The following PTPN4 variants were observed in gnomAD, a reference collection of about 807,000 sequenced individuals.
PTPN4 encodes protein tyrosine phosphatase non-receptor type 4.
A neutral mutation model predicts 135.5 loss-of-function variants in PTPN4; 49 were observed. That is an observed-to-expected ratio of 0.36 (90% CI 0.29 to 0.46). The LOEUF is 0.46. Ranked by LOEUF, PTPN4 falls within the 20% of genes least tolerant of loss-of-function variation. The pLI is 1.00. For missense variants in PTPN4, 860 were observed against 1,101.0 expected (o/e 0.78, Z 3.10); for synonymous variants, 333 against 369.9 (o/e 0.90, Z 1.14).
chr2:119,795,097 G>A (rs1691228235), intron 1 of PTPN4, among the ~76,000 whole-genome samples: 1 of 152,138 alleles, frequency 6.6e-6, no homozygotes, highest in African/African-American at 2.4e-5. Flanking sequence ...CCCTGAGGTG[G>A]GCAGGTCCTC....
At position 119,978,705 on chromosome 2, in the gene PTPN4, G is replaced by T. The variant is rs1679651929; in HGVS notation, c.*1635G>T. On this transcript the variant is annotated 3_prime_UTR_variant, in exon 27 of 27. Coordinates refer to ENST00000263708, the MANE Select transcript of PTPN4 (RefSeq NM_002830.4). ...TTTTATGTGGATTGGGGTTTTAAAAGATTCATTTCCTAGCAGTTTCTGAAT... is the reference window on the plus strand; with the variant it reads ...TTTTATGTGGATTGGGGTTTTAAAATATTCATTTCCTAGCAGTTTCTGAAT... The T allele has an allele frequency of 6.6e-6, 1 of 152,106 alleles. No homozygotes were observed. Among genetic ancestry groups the T allele is most frequent in the Non-Finnish European group, 1.5e-5 (1 of 67,968 alleles). 9.4% of individuals were successfully genotyped at this position (152,106 alleles called of 1,614,324 possible).
rs572221944 is a variant in PTPN4, at chr2:119,785,751, C to T, written c.-17-24086C>T. 2.9e-4 allele frequency among the ~76,000 whole-genome samples: 44 copies of T among 151,886 alleles called. No individual in the cohort carries two copies. In the South Asian group the frequency reaches 8.4e-3, roughly 29 times the overall value. ...TGTTTGCTTTGTGTGTGTGTGTCTA[C>T]GTGTGTGAGAGAATGAGTGCACACG... On this transcript the variant is annotated intron_variant, in intron 1 of 26. Transcript: ENST00000263708.
chr2:119,833,038 G>T lies in PTPN4; in HGVS notation c.138+23047G>T, dbSNP rs565978817. 1.4e-4 allele frequency among the ~76,000 whole-genome samples: 21 copies of T among 152,172 alleles called. No homozygotes were observed. The South Asian group carries it at 2.1e-3, about 15-fold the overall frequency. On this transcript the variant is annotated intron_variant, in intron 2 of 26. Transcript: ENST00000263708. ...TTTAACCACTTGTTTTTCTTTAATG[G>T]TTATAGGTCTAAGTGCTCTATCATT...
At chr2:119,905,372 A>G (rs1339617409) in intron 10 of PTPN4, among the ~76,000 whole-genome samples, 3 of 152,256 alleles carry the variant, frequency 2.0e-5, no homozygotes, top group Admixed American at 6.5e-5. Flanking sequence ...GTAAAAAACC[A>G]TAAAAAGAGA....
intron 12 of PTPN4, among the ~76,000 whole-genome samples, chr2:119,921,124 C>CA (rs1349550665): frequency 6.6e-6 from 1 of 151,590 alleles, no homozygotes; most frequent in Non-Finnish European, 1.5e-5. Flanking sequence ...CTACCAAAAA[C>CA]AAAAAACAAA....
intron 2 of PTPN4, among the ~76,000 whole-genome samples, chr2:119,861,258 T>C (rs1286865891): frequency 2.0e-5 from 3 of 152,116 alleles, no homozygotes; most frequent in Non-Finnish European, 4.4e-5. Context: ...GAGAACTCAC[T>C]CGCTCCCTTG....
intron 2 of PTPN4, among the ~76,000 whole-genome samples, chr2:119,831,248 A>G (rs969640146): frequency 1.2e-4 from 18 of 152,148 alleles, no homozygotes; most frequent in Non-Finnish European, 2.2e-4. Flanking sequence ...TGCTAGCTCA[A>G]TACTCTCCCG....
rs1187982979 is a variant in PTPN4, at chr2:119,981,082, A to G, written c.*4012A>G. 1 of 152,114 alleles carries G rather than the reference A, an allele frequency of 6.6e-6. No homozygotes were observed. Among genetic ancestry groups the G allele is most frequent in the Non-Finnish European group, 1.5e-5 (1 of 67,952 alleles). 9.4% of individuals were successfully genotyped at this position (152,114 alleles called of 1,614,324 possible). ...ACTCTGATGGTAAGGTTGCCAAAGT[A>G]ATTTTGAATTCATAAAAATTGTTTA... is the stretch of plus-strand genomic sequence containing the variant. On this transcript the variant is annotated 3_prime_UTR_variant, in exon 27 of 27. Transcript: ENST00000263708.
chr2:119,930,446 G>A (rs996553241), intron 13 of PTPN4, among the ~76,000 whole-genome samples: 1 of 152,022 alleles, frequency 6.6e-6, no homozygotes, highest in African/African-American at 2.4e-5. Flanking sequence ...TGAAAATTTG[G>A]ATATTCATAA....
intron 1 of PTPN4, among the ~76,000 whole-genome samples, chr2:119,804,661 T>C (rs964590192): frequency 2.6e-5 from 4 of 152,264 alleles, no homozygotes; most frequent in African/African-American, 9.6e-5. Context: ...TGCCACATTT[T>C]CTTAATCTAG....
chr2:119,925,100 C>T (rs1252509475), intron 12 of PTPN4, among the ~76,000 whole-genome samples: 3 of 152,234 alleles, frequency 2.0e-5, no homozygotes, highest in Middle Eastern at 3.4e-3. Flanking sequence ...GAAGAAAAAT[C>T]AGTCTGCATC....
intron 1 of PTPN4, among the ~76,000 whole-genome samples, chr2:119,766,460 G>GC (rs1558718923): frequency 1.5e-4 from 21 of 140,058 alleles, no homozygotes; most frequent in African/African-American, 5.7e-4. Flanking sequence ...GTGTGTGTGT[G>GC]TGTGTGTGTG....
At chr2:119,933,255 T>C (rs2105038365) in intron 14 of PTPN4, among the ~76,000 whole-genome samples, 1 of 152,352 alleles carries the variant, frequency 6.6e-6, no homozygotes, top group Admixed American at 6.5e-5. Context: ...TGTGCCACCA[T>C]ATTAACATAC....
intron 2 of PTPN4, among the ~76,000 whole-genome samples, chr2:119,831,145 C>T (rs1200688597): frequency 6.6e-6 from 1 of 152,140 alleles, no homozygotes; most frequent in Non-Finnish European, 1.5e-5. Flanking sequence ...CAACCTAGAT[C>T]CCTTTCATGC....
At chr2:119,885,599 A>G (rs534659885) in intron 8 of PTPN4, among the ~76,000 whole-genome samples, 196 bp from the exon 9 acceptor site, 3 of 152,328 alleles carry the variant, frequency 2.0e-5, no homozygotes, top group South Asian at 4.1e-4. Flanking sequence ...AGAAAATAAG[A>G]CAGTATTCTG....
chr2:119,836,853 G>C (rs1370991590), intron 2 of PTPN4, among the ~76,000 whole-genome samples: 1 of 152,212 alleles, frequency 6.6e-6, no homozygotes, highest in Non-Finnish European at 1.5e-5. Context: ...TTCTGCCTCG[G>C]CCCCCTCTGG....
intron 26 of PTPN4, among the ~76,000 whole-genome samples, chr2:119,971,514 G>T (rs1039605387): frequency 2.0e-5 from 3 of 152,148 alleles, no homozygotes; most frequent in East Asian, 1.9e-4. Flanking sequence ...GCCTGTTTTT[G>T]AATTTGGCCG....
rs892215118 is a variant in PTPN4 at position 119,979,645 on chromosome 2, A to G, written c.*2575A>G. 6 of 152,130 alleles carry G rather than the reference A, an allele frequency of 3.9e-5. No individual in the cohort carries two copies. Among genetic ancestry groups the G allele is most frequent in the African/African-American group, 1.2e-4 (5 of 41,442 alleles). 9.4% of individuals were successfully genotyped at this position (152,130 alleles called of 1,614,324 possible). On this transcript the variant is annotated 3_prime_UTR_variant, in exon 27 of 27. Transcript: ENST00000263708. ...TATATCAATCTAAATAGGTTTCTAG[A>G]AATAATCCTAGCTTTCATACACCAT... is the stretch of plus-strand genomic sequence containing the variant.
At chr2:119,829,368 A>G (rs1677188500) in intron 2 of PTPN4, among the ~76,000 whole-genome samples, 1 of 152,224 alleles carries the variant, frequency 6.6e-6, no homozygotes, top group African/African-American at 2.4e-5. Context: ...CCATTTTTAT[A>G]TATACAATTC....
Sources: allele counts gnomAD v4.1 joint callset (sites outside exome capture counted in the v4.1 genomes callset), GRCh38; gene constraint gnomAD v4.1.1; transcripts MANE v1.5; gene names NCBI Gene and HGNC (gene_info 2026-07-23, HGNC 2026-07-21).